PPFIA2: variants seen among roughly 807,000 people sequenced by gnomAD.
The protein encoded by PPFIA2 is liprin-alpha-2.
A neutral mutation model predicts 175.5 loss-of-function variants in PPFIA2; 46 were observed. The ratio of observed to expected loss-of-function variants is 0.26; its 90% CI spans 0.21 to 0.34. PPFIA2 has a LOEUF of 0.34. Among genes scored for constraint, PPFIA2 ranks in the 10% least tolerant of loss-of-function variants. PPFIA2 has a pLI of 1.00. For missense variants in PPFIA2, 1,179 were observed against 1,506.1 expected, an observed-to-expected ratio of 0.78 and a Z score of 3.60; for synonymous variants, 568 against 511.4, an observed-to-expected ratio of 1.11 and a Z score of -1.49.
intron 14 of PPFIA2, among the ~76,000 whole-genome samples, chr12:81,365,099 G>A (rs2032706116): frequency 2.6e-5 from 4 of 151,800 alleles, no homozygotes; most frequent in Admixed American, 2.6e-4. Flanking sequence ...TATAGATGGT[G>A]TTTAAATCCA....
chr12:81,599,935 G>A (rs573368849), intron 4 of PPFIA2, among the ~76,000 whole-genome samples: 7 of 152,084 alleles, frequency 4.6e-5, no homozygotes, highest in Admixed American at 1.3e-4. Context: ...CCACAAAGGT[G>A]AAGTGTCCTC....
rs550861295 is a variant in PPFIA2, at chr12:81,275,084, G to A, written c.3310+2233C>T. Among the ~76,000 whole-genome samples, 4 of 152,264 alleles carry A rather than the reference G, an allele frequency of 2.6e-5. No homozygotes were observed. In the South Asian group the frequency reaches 8.3e-4, roughly 32 times the overall value. ...GGAAACTACAAAGTGGTATCCCATG[G>A]GTAAAATCTACCTGTGTGCTAAGAC... is the stretch of plus-strand genomic sequence containing the variant. On this transcript the variant is annotated intron_variant, in intron 28 of 32. Coordinates refer to ENST00000549396, the MANE Select transcript of PPFIA2 (RefSeq NM_003625.5).
intron 3 of PPFIA2, among the ~76,000 whole-genome samples, chr12:81,734,371 T>C (rs1256234168): frequency 6.6e-6 from 1 of 151,798 alleles, no homozygotes; most frequent in East Asian, 1.9e-4. Flanking sequence ...AAGCAAGCCA[T>C]CATTAATAAC....
chr12:81,424,280 A>G (rs1485570536), intron 7 of PPFIA2, among the ~76,000 whole-genome samples: 3 of 152,128 alleles, frequency 2.0e-5, no homozygotes, highest in Non-Finnish European at 4.4e-5. Context: ...CACAAAAATG[A>G]AACTGTTGTT....
chr12:81,690,596 T>C (rs1448387493), intron 3 of PPFIA2, among the ~76,000 whole-genome samples: 1 of 152,100 alleles, frequency 6.6e-6, no homozygotes, highest in Non-Finnish European at 1.5e-5. Flanking sequence ...AGAGGACTGC[T>C]AGAAAAGTAA....
chr12:81,281,544 C>T (rs2042093160), intron 26 of PPFIA2, 94 bp from the exon 27 acceptor site: 1 of 827,558 alleles, frequency 1.2e-6, no homozygotes. Context: ...TATTTAATTA[C>T]TATGATATGT....
At chr12:81,492,863 T>C (rs1314097717) in intron 4 of PPFIA2, among the ~76,000 whole-genome samples, 2 of 152,030 alleles carry the variant, frequency 1.3e-5, no homozygotes, top group East Asian at 1.9e-4. Context: ...GGAAAATCAA[T>C]GAGAGGACTA....
intron 32 of PPFIA2, chr12:81,260,629 C>G (rs1316160136): frequency 6.6e-6 from 1 of 152,088 alleles, no homozygotes; most frequent in Non-Finnish European, 1.5e-5. Context: ...TATCGGGATG[C>G]TTTTCATTTT....
rs866768312 is a variant in PPFIA2, at chr12:81,283,023, C to T, written c.3005G>A (p.Gly1002Glu). 1.2e-6 allele frequency: 2 copies of T among 1,611,992 alleles called. No individual in the cohort carries two copies. The highest frequency in any genetic ancestry group is 1.7e-4 in the Middle Eastern group (1 of 6,058). ...TGAATCTCCTACCTGGGCCCAGCTT[C>T]CTTCCTCAGATTCTTTCTGTGTTAG... ...APAKTKESEE[G>E]SWAQCPVFLQ... The change falls in exon 26 of 33, where the codon GGA becomes GAA. Residue 1002 changes from glycine (G) to glutamate (E), a missense_variant. Gly to Glu is a moderately conservative substitution (Grantham distance 98, BLOSUM62 -2). This residue lies in a region of PPFIA2 where 245 missense variants were observed against 375.1 expected (regional missense o/e 0.65). Transcript: ENST00000549396.
intron 14 of PPFIA2, among the ~76,000 whole-genome samples, chr12:81,363,068 TA>T (rs919416058): frequency 6.6e-6 from 1 of 151,512 alleles, no homozygotes; most frequent in Non-Finnish European, 1.5e-5. Flanking sequence ...AGATGTCACT[TA>T]AAAATGCAGA....
intron 7 of PPFIA2, among the ~76,000 whole-genome samples, chr12:81,425,132 T>C (rs543418142): frequency 1.3e-5 from 2 of 152,320 alleles, no homozygotes; most frequent in South Asian, 4.1e-4. Flanking sequence ...GGTGATTAGA[T>C]AATCGCAAGA....
rs186957429 is a variant in PPFIA2, at chr12:81,308,403, C to T, written c.2643-9021G>A. Among the ~76,000 whole-genome samples, 83 of 152,156 alleles carry T rather than the reference C, an allele frequency of 5.5e-4. No homozygotes were observed. In the East Asian group the frequency reaches 9.7e-3, roughly 18 times the overall value. On this transcript the variant is annotated intron_variant, in intron 22 of 32. Transcript: ENST00000549396. ...GACACACATTTGCAGATGAGAACAC[C>T]GAAGAACAGAGGCCAGTTGGAGTCA...
At chr12:81,267,203 T>TA (rs1181580850) in intron 29 of PPFIA2, 183 bp from the exon 30 acceptor site, 15 of 584,570 alleles carry the variant, frequency 2.6e-5, no homozygotes, top group Non-Finnish European at 4.0e-5. Flanking sequence ...CAGGGCTTTT[T>TA]TTTTTTTTTC....
At chr12:81,681,987 T>C (rs2073724392) in intron 3 of PPFIA2, among the ~76,000 whole-genome samples, 1 of 152,052 alleles carries the variant, frequency 6.6e-6, no homozygotes, top group Admixed American at 6.6e-5. Flanking sequence ...GTTCAAAAAG[T>C]CACTTAATGT....
chr12:81,386,024 C>T (rs2038861357), intron 8 of PPFIA2, among the ~76,000 whole-genome samples: 1 of 151,706 alleles, frequency 6.6e-6, no homozygotes, highest in African/African-American at 2.4e-5. Context: ...TCTTTTAATC[C>T]CAGTGCTTTG....
intron 4 of PPFIA2, among the ~76,000 whole-genome samples, chr12:81,639,825 G>A (rs2064707312): frequency 1.3e-5 from 2 of 152,052 alleles, no homozygotes; most frequent in African/African-American, 2.4e-5. Context: ...TGAGGACAAG[G>A]TTGTTGATAA....
At chr12:81,517,500 T>C (rs550271930) in intron 4 of PPFIA2, among the ~76,000 whole-genome samples, 6 of 152,158 alleles carry the variant, frequency 3.9e-5, no homozygotes, top group Non-Finnish European at 7.4e-5. Context: ...CCTCGGCTAA[T>C]GCTGCCAAGA....
Position 81,362,762 on chromosome 12 carries a change from T to C in PPFIA2, c.1568A>G (p.Glu523Gly), listed in dbSNP as rs1481205005. The C allele has an allele frequency of 6.5e-7, 1 of 1,546,118 alleles. No individual in the cohort carries two copies. Among genetic ancestry groups the C allele is most frequent in the Non-Finnish European group, 8.7e-7 (1 of 1,142,976 alleles). ...TTGGTCAAGTTCAGATCTCAGCTTTTCAATTTCTTCTGCTAATCTTTCCTA... is the reference window on the plus strand; with the variant it reads ...TTGGTCAAGTTCAGATCTCAGCTTTCCAATTTCTTCTGCTAATCTTTCCTA... ...HDKERLAEEIEKLRSELDQLK... is the reference protein window; with the variant it reads ...HDKERLAEEIGKLRSELDQLK... The change falls in exon 15 of 33, where the codon GAA (glutamate) becomes GGA (glycine). Residue 523 changes from glutamate (E) to glycine (G), a missense_variant. By Grantham distance (98) the Glu-to-Gly change is moderately conservative (BLOSUM62 -2). Coordinates refer to ENST00000549396, the MANE Select transcript of PPFIA2 (RefSeq NM_003625.5).
At chr12:81,343,529 T>A (rs182458093) in intron 19 of PPFIA2, among the ~76,000 whole-genome samples, 25 of 152,120 alleles carry the variant, frequency 1.6e-4, no homozygotes, top group South Asian at 4.1e-4. Flanking sequence ...TTATTTTTTT[T>A]AAAAAAAGGA....
Sources: gnomAD v4.1 joint callset for allele counts (sites outside exome capture counted in the v4.1 genomes callset) on GRCh38, gnomAD v4.1.1 for gene constraint, gnomAD v4.1.1 regional missense constraint, MANE v1.5 for transcripts, NCBI Gene and HGNC (gene_info 2026-07-23, HGNC 2026-07-21) for gene names.